PITPNC1: variants seen among roughly 807,000 people sequenced by gnomAD.
PITPNC1 encodes cytoplasmic phosphatidylinositol transfer protein 1.
A neutral mutation model predicts 44.7 loss-of-function variants in PITPNC1; 18 were observed. That is an observed-to-expected ratio of 0.40 (90% CI 0.28 to 0.60). The LOEUF (loss-of-function observed/expected upper bound fraction) is 0.60, where lower values mean the gene tolerates loss of function less well. Ranked by LOEUF, PITPNC1 falls within the 20% of genes least tolerant of loss-of-function variation. The pLI is 0.39. For missense variants in PITPNC1, 290 were observed against 418.4 expected (o/e 0.69, Z 2.68); for synonymous variants, 141 against 149.6 (o/e 0.94, Z 0.42).
intron 6 of PITPNC1, among the ~76,000 whole-genome samples, chr17:67,643,293 C>T (rs983713925): frequency 1.1e-4 from 17 of 152,190 alleles, no homozygotes; most frequent in Non-Finnish European, 2.1e-4. Context: ...GGCTGAGGCA[C>T]GAGAATTGCT....
At chr17:67,652,112 A>T (rs1032980904) in intron 6 of PITPNC1, among the ~76,000 whole-genome samples, 1 of 152,186 alleles carries the variant, frequency 6.6e-6, no homozygotes, top group Non-Finnish European at 1.5e-5. Flanking sequence ...TTTATCAAAA[A>T]CTTCTCATTT....
intron 4 of PITPNC1, among the ~76,000 whole-genome samples, chr17:67,561,205 C>G (rs1285399873): frequency 6.6e-6 from 1 of 152,184 alleles, no homozygotes; most frequent in African/African-American, 2.4e-5. Context: ...CCTGTAATCT[C>G]AACACTCTGG....
At chr17:67,509,089 C>T (rs546034291) in intron 1 of PITPNC1, among the ~76,000 whole-genome samples, 1 of 151,242 alleles carries the variant, frequency 6.6e-6, no homozygotes, top group Non-Finnish European at 1.5e-5. Flanking sequence ...CAAAAATTAA[C>T]CGGGTGTGGT....
In PITPNC1 at chr17:67,557,221, CTCA is replaced by C. The variant is rs1282853499; in HGVS notation, c.294+3607_294+3609del. 2.2e-3 allele frequency among the ~76,000 whole-genome samples: 331 copies of C among 152,298 alleles called. 2 individuals are homozygous for C. Among genetic ancestry groups the C allele is most frequent in the African/African-American group, 7.7e-3 (320 of 41,556 alleles). On this transcript the variant is annotated intron_variant, in intron 4 of 8. Coordinates refer to ENST00000581322, the MANE Select transcript of PITPNC1 (RefSeq NM_012417.4). ...GCAGAGACAGAGCAAGTTCTCTGGT[CTCA>C]TCTTTGAAGGGCACTAATCCCATCA...
At position 67,694,134 on chromosome 17, in the gene PITPNC1, G is replaced by A. The variant is rs943546358; in HGVS notation, c.*1246G>A. ...GTAATGCAAGATTAGAATCAAGGTT[G>A]ACAGGAGGCAAGGTCACTCACTGAA... On this transcript the variant is annotated 3_prime_UTR_variant, in exon 9 of 9. Coordinates refer to ENST00000581322, the MANE Select transcript of PITPNC1 (RefSeq NM_012417.4). 2 of 152,228 alleles carry A rather than the reference G, an allele frequency of 1.3e-5. No individual in the cohort carries two copies. The highest frequency in any genetic ancestry group is 2.9e-5 in the Non-Finnish European group (2 of 68,052). 9.4% of individuals were successfully genotyped at this position (152,228 alleles called of 1,614,324 possible). A position where few individuals can be genotyped will look rare whatever the true frequency, so the allele number is the denominator to read the frequency against.
rs536858374 is a variant in PITPNC1 at position 67,466,071 on chromosome 17, G to C, written c.49-66731G>C. Among the ~76,000 whole-genome samples, 489 of 151,824 alleles carry C rather than the reference G, an allele frequency of 3.2e-3. 2 individuals are homozygous for C. Among genetic ancestry groups the C allele is most frequent in the Non-Finnish European group, 3.8e-3 (255 of 67,980 alleles). On this transcript the variant is annotated intron_variant, in intron 1 of 8. Transcript: ENST00000581322. ...GCTAGAGTGCAGTGGTGCCATCATA[G>C]TTCACTGCAGCCTTGAACTTCTGGG... is the stretch of plus-strand genomic sequence containing the variant.
intron 1 of PITPNC1, chr17:67,459,853 T>C (rs2039310870): frequency 6.6e-6 from 1 of 152,236 alleles, no homozygotes; most frequent in Non-Finnish European, 1.5e-5. Flanking sequence ...TTCCAACCCA[T>C]GGTAACTTCA....
chr17:67,644,233 T>C (rs2042121263), intron 6 of PITPNC1, among the ~76,000 whole-genome samples: 1 of 152,146 alleles, frequency 6.6e-6, no homozygotes, highest in Non-Finnish European at 1.5e-5. Flanking sequence ...AGTGCCGGGA[T>C]GGTACCCAAG....
At chr17:67,530,539 C>T (rs1272743087) in intron 1 of PITPNC1, among the ~76,000 whole-genome samples, 1 of 152,108 alleles carries the variant, frequency 6.6e-6, no homozygotes, top group Non-Finnish European at 1.5e-5. Flanking sequence ...AACATGATTA[C>T]TTCTGTAAAG....
chr17:67,500,549 T>C (rs954099225), intron 1 of PITPNC1, among the ~76,000 whole-genome samples: 2 of 152,198 alleles, frequency 1.3e-5, no homozygotes, highest in Admixed American at 6.5e-5. Flanking sequence ...GTTCTGAAAT[T>C]AGATAGTGGT....
At chr17:67,627,470 A>G (rs748054076) in intron 5 of PITPNC1, among the ~76,000 whole-genome samples, 1 of 152,250 alleles carries the variant, frequency 6.6e-6, no homozygotes, top group Non-Finnish European at 1.5e-5. Context: ...GTTGGACTAA[A>G]GGATGCCTTG....
chr17:67,665,462 A>G (rs2042408677), intron 6 of PITPNC1, among the ~76,000 whole-genome samples: 1 of 152,172 alleles, frequency 6.6e-6, no homozygotes, highest in African/African-American at 2.4e-5. Flanking sequence ...TGAAATTGCT[A>G]GGTTAAATGG....
At chr17:67,669,477 A>G (rs371148960) in intron 6 of PITPNC1, 31 bp from the exon 7 acceptor site, 14 of 1,418,826 alleles carry the variant, frequency 9.9e-6, no homozygotes, top group Middle Eastern at 2.3e-4. Flanking sequence ...AACTTTTAAT[A>G]TATCAATTTC....
intron 1 of PITPNC1, among the ~76,000 whole-genome samples, chr17:67,401,304 C>G (rs1218476640): frequency 6.6e-6 from 1 of 152,130 alleles, no homozygotes; most frequent in African/African-American, 2.4e-5. Flanking sequence ...TTCCTACCCA[C>G]TTAAGAGTCC....
intron 1 of PITPNC1, among the ~76,000 whole-genome samples, chr17:67,469,843 A>T (rs2039488847): frequency 6.6e-6 from 1 of 152,162 alleles, no homozygotes. Flanking sequence ...GATAAAAACA[A>T]AGCAATAGCA....
chr17:67,646,871 TAG>T (rs1428762519), intron 6 of PITPNC1, among the ~76,000 whole-genome samples: 7 of 152,290 alleles, frequency 4.6e-5, no homozygotes, highest in Admixed American at 4.6e-4. Context: ...AACTGAGGCT[TAG>T]AGAGTCTAAG....
In PITPNC1 at chr17:67,642,862, AG is replaced by A. The variant is rs2042106019; in HGVS notation, c.462+10628del. Among the ~76,000 whole-genome samples, 3 of 152,018 alleles carry A rather than the reference AG, an allele frequency of 2.0e-5. No individual in the cohort carries two copies. In the South Asian group the frequency reaches 6.2e-4, roughly 32 times the overall value. ...TTTCATTTTTTTTTTTAATTTTTCA[AG>A]GGGAAAAAAACCATTTAAACTGCTG... On this transcript the variant is annotated intron_variant, in intron 6 of 8. Coordinates refer to ENST00000581322, the MANE Select transcript of PITPNC1 (RefSeq NM_012417.4).
At chr17:67,664,258 C>A (rs998329391) in intron 6 of PITPNC1, among the ~76,000 whole-genome samples, 11 of 152,192 alleles carry the variant, frequency 7.2e-5, no homozygotes, top group African/African-American at 2.7e-4. Flanking sequence ...AGCCACTGCA[C>A]CTGGCCTCAT....
At chr17:67,474,136 T>G (rs2084214577) in intron 1 of PITPNC1, among the ~76,000 whole-genome samples, 1 of 152,002 alleles carries the variant, frequency 6.6e-6, no homozygotes, top group South Asian at 2.1e-4. Flanking sequence ...GGGCGGTGGA[T>G]GGAGCGAAGT....
Sources: gnomAD v4.1 joint callset for allele counts (sites outside exome capture counted in the v4.1 genomes callset) on GRCh38, gnomAD v4.1.1 for gene constraint, MANE v1.5 for transcripts, NCBI Gene and HGNC (gene_info 2026-07-23, HGNC 2026-07-21) for gene names.